The following COL8A2 variants were observed in gnomAD, a reference collection of about 807,000 sequenced individuals.
COL8A2 encodes the protein collagen alpha-2(VIII) chain.
Under a neutral mutation model 24.0 loss-of-function variants are expected in COL8A2, and 16 were observed. The observed-to-expected ratio is 0.67, with a 90% CI of 0.45 to 1.01. COL8A2 has a LOEUF of 1.01. Among genes scored for constraint, COL8A2 ranks in the 50% least tolerant of loss-of-function variants. The pLI is 0.00. For missense variants in COL8A2, 818 were observed against 942.4 expected (o/e 0.87, Z 1.73); for synonymous variants, 466 against 424.5 (o/e 1.10, Z -1.20).
At chr1:36,102,354 G>C (rs1643689059) in intron 2 of COL8A2, among the ~76,000 whole-genome samples, 1 of 152,146 alleles carries the variant, frequency 6.6e-6, no homozygotes, top group Admixed American at 6.5e-5. Context: ...GTGGGGAAGA[G>C]ATGGGAAGTG....
intron 1 of COL8A2, among the ~76,000 whole-genome samples, 184 bp downstream of exon 1, chr1:36,124,873 C>T (rs544884071): frequency 2.0e-5 from 3 of 152,076 alleles, no homozygotes; most frequent in Non-Finnish European, 2.9e-5. Context: ...GAACGGGGCA[C>T]AGGGAACGGG....
intron 2 of COL8A2, among the ~76,000 whole-genome samples, chr1:36,102,663 G>A (rs116417216): frequency 0.043 from 2,971 of 69,120 alleles, 65 homozygotes; most frequent in Non-Finnish European, 0.075. Flanking sequence ...CTATAAAGCT[G>A]GTTTTTTGTT....
intron 2 of COL8A2, among the ~76,000 whole-genome samples, chr1:36,114,730 G>A (rs1307320116): frequency 2.0e-5 from 3 of 152,006 alleles, no homozygotes; most frequent in Admixed American, 1.3e-4. Flanking sequence ...GCATGTGCTC[G>A]ATGAAGCCTG....
chr1:36,104,109 G>T (rs1388923923), intron 2 of COL8A2, among the ~76,000 whole-genome samples: 1 of 151,988 alleles, frequency 6.6e-6, no homozygotes, highest in African/African-American at 2.4e-5. Flanking sequence ...CAGGAGAATT[G>T]CTTGAACCTG....
At chr1:36,111,505 A>C (rs1570047427) in intron 2 of COL8A2, among the ~76,000 whole-genome samples, 1 of 148,976 alleles carries the variant, frequency 6.7e-6, no homozygotes, top group African/African-American at 2.5e-5. Context: ...CAACTCCATC[A>C]CCGAGGACTC....
At chr1:36,106,408 G>T (rs1643762434) in intron 2 of COL8A2, among the ~76,000 whole-genome samples, 1 of 152,118 alleles carries the variant, frequency 6.6e-6, no homozygotes, top group Non-Finnish European at 1.5e-5. Flanking sequence ...ACTCTCCTGT[G>T]CAGGGGAGGG....
At chr1:36,119,488 G>T (rs777266477) in intron 1 of COL8A2, among the ~76,000 whole-genome samples, 1 of 152,168 alleles carries the variant, frequency 6.6e-6, no homozygotes, top group Non-Finnish European at 1.5e-5. Flanking sequence ...CACCCCCTCA[G>T]TCCCTCCTGC....
Position 36,102,674 on chromosome 1 carries a change from T to TG in COL8A2, c.-16-2417_-16-2416insC, listed in dbSNP as rs1324401734. 5.2e-5 allele frequency among the ~76,000 whole-genome samples: 7 copies of TG among 134,554 alleles called. 1 individual carries two copies. Among genetic ancestry groups the TG allele is most frequent in the African/African-American group, 1.9e-4 (7 of 36,444 alleles). 88.3% of individuals were successfully genotyped at this position (134,554 alleles called of 152,430 possible). The stretch of plus-strand genomic sequence containing the variant: ...ATATCTATAAAGCTGGTTTTTTGTT[T>TG]TTTTTTTTTTTTTTTGAGATGGAGT... On this transcript the variant is annotated intron_variant, in intron 2 of 3. Transcript: ENST00000397799.
intron 2 of COL8A2, among the ~76,000 whole-genome samples, chr1:36,111,066 C>T (rs1330429692): frequency 9.2e-5 from 14 of 152,322 alleles, no homozygotes; most frequent in Admixed American, 7.2e-4. Flanking sequence ...TTCCCATCCT[C>T]CTTTCCTGAA....
chr1:36,098,943 C>T lies in COL8A2; in HGVS notation c.738G>A (p.Gly246=), dbSNP rs1288381263. The stretch of plus-strand genomic sequence containing the variant: ...CAGACTCACCCTTGTCTCCTGGGGC[C>T]CCAGGAAGCCCATCCAAACCAGGTT... ...LGKPGLDGLP[G]APGDKGESGP... The change falls in exon 4 of 4, where the codon GGG becomes GGA. Residue 246 remains glycine (G), a synonymous_variant. Transcript: ENST00000397799. The T allele has an allele frequency of 1.2e-6, 2 of 1,610,666 alleles. No individual in the cohort carries two copies. Among genetic ancestry groups the T allele is most frequent in the East Asian group, 2.2e-5 (1 of 44,756 alleles).
At position 36,115,484 on chromosome 1, in the gene COL8A2, C is replaced by A. The variant is rs187882615; in HGVS notation, c.-17+224G>T. ...AACACGGCCCCGCCAAGGAGCCAGG[C>A]GAAATAGTTCACAAATGAGAAAAAG... On this transcript the variant is annotated intron_variant, in intron 2 of 3. Transcript: ENST00000397799. This position sits in a 1 kb window ranked among gnomAD's most constrained non-coding sequence, Gnocchi z 5.7. 6.6e-6 allele frequency among the ~76,000 whole-genome samples: 1 copy of A among 152,088 alleles called. No individual in the cohort carries two copies. The highest frequency in any genetic ancestry group is 2.4e-5 in the African/African-American group (1 of 41,412).
In COL8A2 at chr1:36,098,621, G is replaced by A; in HGVS notation, c.1060C>T (p.Gln354Ter). 1 of 1,611,480 alleles carries A rather than the reference G, an allele frequency of 6.2e-7. No homozygotes were observed. The highest frequency in any genetic ancestry group is 8.5e-7 in the Non-Finnish European group (1 of 1,179,482). Residue 354 changes from glutamine to a stop codon, truncating the protein, a stop_gained, in exon 4 of 4, where the codon CAG becomes TAG. Coordinates refer to ENST00000397799, the MANE Select transcript of COL8A2 (RefSeq NM_005202.4). LOFTEE classifies it high-confidence loss of function. ...AGTCCAGGGGGACCCCCAAGACCCT[G>A]TGGGCCCTGCTCCCCTGGCTCCCCA... ...EDGEPGEQGP[Q>*]GLGGPPGLPG...
intron 2 of COL8A2, among the ~76,000 whole-genome samples, chr1:36,103,803 C>CA (rs1643715786): frequency 6.6e-6 from 1 of 151,882 alleles, no homozygotes; most frequent in South Asian, 2.1e-4. Flanking sequence ...AGGCTGGTCT[C>CA]AAACTCCTGA....
In COL8A2 at chr1:36,098,783, C is replaced by A. The variant is rs1323646369; in HGVS notation, c.898G>T (p.Glu300Ter). 5 of 1,611,734 alleles carry A rather than the reference C, an allele frequency of 3.1e-6. No individual in the cohort carries two copies. The highest frequency in any genetic ancestry group is 4.2e-6 in the Non-Finnish European group (5 of 1,179,620). ...CCAGGGGGGCCCCGGGTCCCTGGCT[C>A]CCCTTTGGCCCCTGATGGGCCCTGT... is the stretch of plus-strand genomic sequence containing the variant. ...GPQGPSGAKG[E>*]PGTRGPPGLI... is the part of the protein sequence containing the mutation. The change falls in exon 4 of 4, where the codon GAG (glutamate) becomes TAG (stop). Residue 300 changes from glutamate to a stop codon, truncating the protein, a stop_gained. Coordinates refer to ENST00000397799, the MANE Select transcript of COL8A2 (RefSeq NM_005202.4). LOFTEE classifies it high-confidence loss of function.
At chr1:36,109,990 C>T (rs913056430) in intron 2 of COL8A2, among the ~76,000 whole-genome samples, 1 of 141,696 alleles carries the variant, frequency 7.1e-6, no homozygotes, top group Non-Finnish European at 1.5e-5. Context: ...AGTGCAGTGG[C>T]GCGATCTCGA....
rs61775878 is a variant in COL8A2, at chr1:36,117,165, G to C, written c.-61-1413C>G. Among the ~76,000 whole-genome samples, 1,128 of 152,344 alleles carry C rather than the reference G, an allele frequency of 7.4e-3. 8 individuals carry two copies. The highest frequency in any genetic ancestry group is 0.017 in the Middle Eastern group (5 of 294). ...TAGCTGCACAAGCAGCCAGATGCTG[G>C]AGCCAGCAGCAACTAGGCCTTCTCT... is the stretch of plus-strand genomic sequence containing the variant. On this transcript the variant is annotated intron_variant, in intron 1 of 3. Transcript: ENST00000397799.
In COL8A2 at chr1:36,125,050, C is replaced by T. The variant is rs1643942501; in HGVS notation, c.-62+7G>A. The T allele has an allele frequency of 2.0e-6, 2 of 977,230 alleles. No individual in the cohort carries two copies. The highest frequency in any genetic ancestry group is 1.8e-5 in the African/African-American group (1 of 56,984). The allele number at this position is 977,230 out of a possible 1,614,324, so 60.5% of individuals were successfully genotyped here. ...CCGAGCCCCGGTGCCCGCCTCCTGG[C>T]CTTTACCTGCGGGCGCGGCCGCCGG... On this transcript the variant is annotated splice_region_variant and intron_variant, in intron 1 of 3. Coordinates refer to ENST00000397799, the MANE Select transcript of COL8A2 (RefSeq NM_005202.4). The surrounding 1 kb of genome is among the most constrained non-coding windows in gnomAD (Gnocchi z 4.5).
chr1:36,099,113 G>T lies in COL8A2; in HGVS notation c.568C>A (p.Pro190Thr). Residue 190 changes from proline (P) to threonine (T), a missense_variant, in exon 4 of 4, where the codon CCA becomes ACA. Around this residue, in one of 3 missense-constraint regions of COL8A2, gnomAD observed 573 missense variants for 616.8 expected, o/e 0.93. Transcript: ENST00000397799. ...VPGPPGFQGE[P>T]GPQGEPGPPG... ...GGCCCAGGCTCCCCCTGGGGCCCTG[G>T]TTCCCCCTGGAATCCTGGGGGCCCT... 1 of 1,508,722 alleles carries T rather than the reference G, an allele frequency of 6.6e-7. No homozygotes were observed. Among genetic ancestry groups the T allele is most frequent in the Non-Finnish European group, 8.8e-7 (1 of 1,130,564 alleles). The allele number at this position is 1,508,722 out of a possible 1,614,324, so 93.5% of individuals were successfully genotyped here.
chr1:36,104,865 T>C (rs546048715), intron 2 of COL8A2, among the ~76,000 whole-genome samples: 1 of 152,184 alleles, frequency 6.6e-6, no homozygotes, highest in African/African-American at 2.4e-5. Flanking sequence ...TTGGGGCTGC[T>C]GTGATAAGTG....
Sources: allele counts gnomAD v4.1 joint callset (sites outside exome capture counted in the v4.1 genomes callset), GRCh38; gene constraint gnomAD v4.1.1; regional missense constraint gnomAD v4.1.1; non-coding constraint Gnocchi (gnomAD v3.1); transcripts MANE v1.5; gene names NCBI Gene and HGNC (gene_info 2026-07-23, HGNC 2026-07-21).